KAT7: variants seen among roughly 807,000 people sequenced by gnomAD.
KAT7 encodes the protein lysine acetyltransferase 7.
Under a neutral mutation model 82.1 loss-of-function variants are expected in KAT7, and 10 were observed. The observed-to-expected ratio is 0.12, with a 90% CI of 0.08 to 0.21. The LOEUF (loss-of-function observed/expected upper bound fraction) is 0.21. Ranked by LOEUF, KAT7 falls within the 10% of genes least tolerant of loss-of-function variation. KAT7 has a pLI of 1.00. For synonymous variants in KAT7, 250 were observed against 262.5 expected (o/e 0.95, Z 0.46); for missense variants, 378 against 760.9 (o/e 0.50, Z 5.92).
chr17:49,793,081 G>A (rs1165171219), intron 2 of KAT7, among the ~76,000 whole-genome samples: 1 of 152,072 alleles, frequency 6.6e-6, no homozygotes, highest in Non-Finnish European at 1.5e-5. Context: ...CCAAAGTACT[G>A]GGGTTATAGA....
chr17:49,801,385 C>G (rs1275469633), intron 4 of KAT7, among the ~76,000 whole-genome samples: 1 of 152,078 alleles, frequency 6.6e-6, no homozygotes, highest in Non-Finnish European at 1.5e-5. Flanking sequence ...AGGGCTTTGT[C>G]ATGTTGGCTA....
At position 49,830,904 on chromosome 17, in the gene KAT7, C is replaced by G. The variant is rs2074420166; in HGVS notation, c.*3402C>G. 6.6e-6 allele frequency: 1 copy of G among 152,128 alleles called. No homozygotes were observed. The highest frequency in any genetic ancestry group is 2.1e-4 in the South Asian group (1 of 4,826). 9.4% of individuals were successfully genotyped at this position (152,128 alleles called of 1,614,324 possible). On this transcript the variant is annotated 3_prime_UTR_variant, in exon 15 of 15. Coordinates refer to ENST00000259021, the MANE Select transcript of KAT7 (RefSeq NM_007067.5). Reference sequence around the variant, plus strand: ...TAATAATGAAACTGGTGAAAACTTTCAGGCAAAAGGATTTTCTTTTTATAT... The same window carrying G: ...TAATAATGAAACTGGTGAAAACTTTGAGGCAAAAGGATTTTCTTTTTATAT...
chr17:49,827,552 C>G lies in KAT7; in HGVS notation c.*50C>G. The G allele has an allele frequency of 9.7e-7, 1 of 1,033,684 alleles. No homozygotes were observed. Among genetic ancestry groups the G allele is most frequent in the Non-Finnish European group, 1.5e-6 (1 of 655,814 alleles). The allele number at this position is 1,033,684 out of a possible 1,614,324, so 64.0% of individuals were successfully genotyped here. On this transcript the variant is annotated 3_prime_UTR_variant, in exon 15 of 15. Coordinates refer to ENST00000259021, the MANE Select transcript of KAT7 (RefSeq NM_007067.5). ...GAACCCCAGCAGTAGGAATCCGTAC[C>G]CTAGGGATCTGTCTGTCATTTCTCT... is the stretch of plus-strand genomic sequence containing the variant.
At position 49,796,707 on chromosome 17, in the gene KAT7, AT is replaced by A. The variant is rs751877370; in HGVS notation, c.164-40del. The A allele has an allele frequency of 1.3e-5, 20 of 1,484,470 alleles. 1 individual carries two copies. In the African/African-American group the frequency reaches 1.8e-4, roughly 13 times the overall value. The allele number at this position is 1,484,470 out of a possible 1,614,324, so 92.0% of individuals were successfully genotyped here. Reference sequence around the variant, plus strand: ...ATTATATGGATAGGAAGTAAAACAGATTTCCATCTTTTTTCTTTATTTTCTT... The same window carrying A: ...ATTATATGGATAGGAAGTAAAACAGATTCCATCTTTTTTCTTTATTTTCTT... On this transcript the variant is annotated intron_variant, in intron 2 of 14. Coordinates refer to ENST00000259021, the MANE Select transcript of KAT7 (RefSeq NM_007067.5).
At chr17:49,820,161 A>G (rs1279171005) in intron 9 of KAT7, among the ~76,000 whole-genome samples, 1 of 152,062 alleles carries the variant, frequency 6.6e-6, no homozygotes, top group Non-Finnish European at 1.5e-5. Flanking sequence ...ACATGGGAGG[A>G]TCTTTTGAGC....
At chr17:49,826,184 C>G in intron 13 of KAT7, 38 bp downstream of exon 13, 1 of 1,594,798 alleles carries the variant, frequency 6.3e-7, no homozygotes, top group Non-Finnish European at 8.6e-7. Flanking sequence ...GATTGTTACC[C>G]AAGAAGTTAA....
intron 2 of KAT7, 52 bp from the exon 3 acceptor site, chr17:49,796,698 G>A (rs2073960629): frequency 2.8e-6 from 4 of 1,436,588 alleles, no homozygotes; most frequent in Admixed American, 4.0e-5. Flanking sequence ...TGGATAGGAA[G>A]TAAAACAGAT....
At chr17:49,807,838 G>C (rs2074110100) in intron 5 of KAT7, among the ~76,000 whole-genome samples, 1 of 152,140 alleles carries the variant, frequency 6.6e-6, no homozygotes, top group African/African-American at 2.4e-5. Flanking sequence ...TGAGAAAAGA[G>C]AAGAATCTAG....
intron 3 of KAT7, 139 bp downstream of exon 3, chr17:49,797,065 TC>T (rs1022904323): frequency 1.2e-5 from 8 of 648,242 alleles, no homozygotes; most frequent in African/African-American, 5.7e-5. Flanking sequence ...CTTTCTTATG[TC>T]TTTTTTTTTT....
At chr17:49,797,671 C>T (rs2073974225) in intron 3 of KAT7, among the ~76,000 whole-genome samples, 1 of 152,192 alleles carries the variant, frequency 6.6e-6, no homozygotes, top group South Asian at 2.1e-4. Context: ...ACAATGATTT[C>T]ATATAAAAAC....
At chr17:49,826,559 T>C (rs1436593007) in intron 13 of KAT7, 134 bp from the exon 14 acceptor site, 3 of 667,252 alleles carry the variant, frequency 4.5e-6, no homozygotes, top group South Asian at 1.7e-5. Context: ...TGTAAACTCC[T>C]TCTAAACAGA....
intron 9 of KAT7, among the ~76,000 whole-genome samples, chr17:49,820,145 T>TTA (rs2074283867): frequency 6.6e-6 from 1 of 152,186 alleles, no homozygotes; most frequent in Non-Finnish European, 1.5e-5. Flanking sequence ...GCCTATAATC[T>TTA]TAGCTACATG....
intron 5 of KAT7, among the ~76,000 whole-genome samples, chr17:49,806,715 A>G (rs2074095904): frequency 1.3e-5 from 2 of 152,258 alleles, no homozygotes; most frequent in Non-Finnish European, 2.9e-5. Flanking sequence ...GTTAGTTTGT[A>G]GCAATATGAC....
intron 3 of KAT7, among the ~76,000 whole-genome samples, chr17:49,797,398 C>G (rs1002879419): frequency 2.0e-5 from 3 of 152,118 alleles, no homozygotes; most frequent in Non-Finnish European, 4.4e-5. Context: ...AGTTTGATAT[C>G]AGAATATTCT....
Position 49,831,116 on chromosome 17 carries a change from T to A in KAT7, c.*3614T>A, listed in dbSNP as rs1278787071. On this transcript the variant is annotated 3_prime_UTR_variant, in exon 15 of 15. Coordinates refer to ENST00000259021, the MANE Select transcript of KAT7 (RefSeq NM_007067.5). ...GGGCAGCATGGTGAAACCCCAGCTC[T>A]ACAAAAAATAGAAAAATCAGACGTG... The A allele has an allele frequency of 6.6e-6, 1 of 152,144 alleles. No individual in the cohort carries two copies. The highest frequency in any genetic ancestry group is 1.5e-5 in the Non-Finnish European group (1 of 68,040). 9.4% of individuals were successfully genotyped at this position (152,144 alleles called of 1,614,324 possible). A position where few individuals can be genotyped will look rare whatever the true frequency, so the allele number is the denominator to read the frequency against.
rs769888285 is a variant in KAT7 at position 49,831,827 on chromosome 17, A to AT, written c.*4331dup. ...AGGTGCCCACCACCACGCCCAGCTA[A>AT]TTTTTTGTATTTTTAGTAGAATGAG... On this transcript the variant is annotated 3_prime_UTR_variant, in exon 15 of 15. Transcript: ENST00000259021. The AT allele has an allele frequency of 2.0e-5, 3 of 148,588 alleles. No individual in the cohort carries two copies. Among genetic ancestry groups the AT allele is most frequent in the East Asian group, 2.0e-4 (1 of 4,966 alleles). The allele number at this position is 148,588 out of a possible 1,614,324, so 9.2% of individuals were successfully genotyped here. A position where few individuals can be genotyped will look rare whatever the true frequency, so the allele number is the denominator to read the frequency against.
chr17:49,790,024 G>T (rs1310457868), intron 1 of KAT7: 1 of 152,168 alleles, frequency 6.6e-6, no homozygotes, highest in Non-Finnish European at 1.5e-5. Flanking sequence ...CGTTTTCTGT[G>T]ATTCTTGCTC....
In KAT7 at chr17:49,796,820, C is replaced by T; in HGVS notation, c.234C>T (p.Thr78=). The change falls in exon 3 of 15, where the codon ACC becomes ACT. Residue 78 remains threonine (T), a synonymous_variant. Transcript: ENST00000259021. ...CTGCTTACTCTACCAGAAGAGTGAC[C>T]CGTAGTCAGCAGCAGCCTACCCCAG... ...EEPAYSTRRV[T]RSQQQPTPVT... 2 of 1,614,006 alleles carry T rather than the reference C, an allele frequency of 1.2e-6. No individual in the cohort carries two copies. The highest frequency in any genetic ancestry group is 1.7e-6 in the Non-Finnish European group (2 of 1,179,972).
At chr17:49,809,323 A>G in intron 6 of KAT7, 115 bp downstream of exon 6, 2 of 698,508 alleles carry the variant, frequency 2.9e-6, no homozygotes, top group Non-Finnish European at 4.9e-6. Context: ...TATCTTCCAG[A>G]TGTAAACTTA....
Sources: gnomAD v4.1 joint callset for allele counts (sites outside exome capture counted in the v4.1 genomes callset) on GRCh38, gnomAD v4.1.1 for gene constraint, MANE v1.5 for transcripts, NCBI Gene and HGNC (gene_info 2026-07-23, HGNC 2026-07-21) for gene names.